The following VTI1A variants were observed in gnomAD, a reference collection of about 807,000 sequenced individuals.
VTI1A encodes the protein vesicle transport through interaction with t-SNAREs 1A.
Under a neutral mutation model 34.9 loss-of-function variants are expected in VTI1A, and 22 were observed. The ratio of observed to expected loss-of-function variants is 0.63; its 90% CI spans 0.45 to 0.90. The LOEUF (loss-of-function observed/expected upper bound fraction) is 0.90, where lower values mean the gene tolerates loss of function less well. Among genes scored for constraint, VTI1A ranks in the 40% least tolerant of loss-of-function variants. The pLI, the probability that VTI1A is intolerant of heterozygous loss-of-function variation, is 0.00. For synonymous variants in VTI1A, 87 were observed against 97.3 expected (o/e 0.89, Z 0.62); for missense variants, 268 against 275.6 (o/e 0.97, Z 0.20).
chr10:112,517,043 A>T (rs914204088), intron 3 of VTI1A, among the ~76,000 whole-genome samples: 1 of 152,058 alleles, frequency 6.6e-6, no homozygotes, highest in Admixed American at 6.6e-5. Context: ...TATGAATGAG[A>T]TCACTCAGAT....
intron 7 of VTI1A, among the ~76,000 whole-genome samples, chr10:112,810,943 C>T (rs1853262101): frequency 8.0e-6 from 1 of 124,480 alleles, no homozygotes; most frequent in South Asian, 3.0e-4. Flanking sequence ...AGGCAAAAAC[C>T]TGTTCTTCAA....
chr10:112,540,871 T>G (rs1349444453), intron 5 of VTI1A, among the ~76,000 whole-genome samples: 1 of 152,108 alleles, frequency 6.6e-6, no homozygotes, highest in Non-Finnish European at 1.5e-5. Context: ...GGAAGAGAGG[T>G]GGAAGAACTA....
chr10:112,553,445 G>T (rs1218231768), intron 5 of VTI1A, among the ~76,000 whole-genome samples: 1 of 152,240 alleles, frequency 6.6e-6, no homozygotes. Flanking sequence ...ATCCATAAAT[G>T]TTAGTTTCCA....
rs944333628 is a variant in VTI1A at position 112,767,097 on chromosome 10, C to T, written c.561-48193C>T. Among the ~76,000 whole-genome samples, 8 of 152,200 alleles carry T rather than the reference C, an allele frequency of 5.3e-5. No individual in the cohort carries two copies. Among genetic ancestry groups the T allele is most frequent in the African/African-American group, 1.9e-4 (8 of 41,450 alleles). ...AAAAGGGAAATGATTTCATCAGCTT[C>T]CCAATCTGTGGCTTAAAGTTGACTT... On this transcript the variant is annotated intron_variant, in intron 7 of 7. Transcript: ENST00000393077. This position sits in a 1 kb window ranked among gnomAD's most constrained non-coding sequence, Gnocchi z 4.0.
intron 3 of VTI1A, among the ~76,000 whole-genome samples, chr10:112,491,154 A>G (rs949025444): frequency 2.0e-5 from 3 of 152,194 alleles, no homozygotes; most frequent in African/African-American, 7.2e-5. Flanking sequence ...GGAGACTTAC[A>G]TCAAAATCCT....
intron 5 of VTI1A, among the ~76,000 whole-genome samples, chr10:112,577,351 C>T (rs1426729117): frequency 2.6e-5 from 4 of 152,030 alleles, no homozygotes; most frequent in Non-Finnish European, 5.9e-5. Context: ...ATTACATATC[C>T]TTATCCGCAT....
Position 112,701,261 on chromosome 10 carries a change from A to G in VTI1A, c.560+32263A>G, listed in dbSNP as rs997596316. Among the ~76,000 whole-genome samples the G allele has an allele frequency of 2.0e-5, 3 of 152,340 alleles. No homozygotes were observed. In the East Asian group the frequency reaches 5.8e-4, roughly 29 times the overall value. On this transcript the variant is annotated intron_variant, in intron 7 of 7. Coordinates refer to ENST00000393077, the MANE Select transcript of VTI1A (RefSeq NM_145206.4). ...TTGGACCCAGATGCAGAAACCAACA[A>G]CTAGACCATTTAAACACAGAACAAG...
chr10:112,484,928 GTTTTC>G (rs1347698154), intron 3 of VTI1A: 1 of 151,782 alleles, frequency 6.6e-6, no homozygotes, highest in African/African-American at 2.4e-5. Context: ...TACAGTAAGT[GTTTTC>G]TTTGTTCTGA....
chr10:112,562,890 A>G (rs1851775275), intron 5 of VTI1A, among the ~76,000 whole-genome samples: 1 of 152,148 alleles, frequency 6.6e-6, no homozygotes, highest in Admixed American at 6.5e-5. Context: ...CACCGATCCT[A>G]TCGGAAAACA....
In VTI1A at chr10:112,648,560, A is replaced by G. The variant is rs961997984; in HGVS notation, c.428-19658A>G. ...TGAGAATATTATACATAGTTCAAAA[A>G]GAGGTTCATTTTTCCTATGGTACTA... is the stretch of plus-strand genomic sequence containing the variant. On this transcript the variant is annotated intron_variant, in intron 5 of 7. Transcript: ENST00000393077. Among the ~76,000 whole-genome samples, 8 of 152,360 alleles carry G rather than the reference A, an allele frequency of 5.3e-5. No individual in the cohort carries two copies. In the East Asian group the frequency reaches 1.3e-3, roughly 26 times the overall value.
At chr10:112,677,185 C>CT (rs1848063597) in intron 7 of VTI1A, among the ~76,000 whole-genome samples, 1 of 152,032 alleles carries the variant, frequency 6.6e-6, no homozygotes, top group South Asian at 2.1e-4. Context: ...AATCCGAGAG[C>CT]TTTTTTCCGA....
At chr10:112,800,016 A>G (rs757443623) in intron 7 of VTI1A, among the ~76,000 whole-genome samples, 1 of 152,120 alleles carries the variant, frequency 6.6e-6, no homozygotes, top group Non-Finnish European at 1.5e-5. Context: ...CATCCCTCAA[A>G]AGTTGGCAGA....
chr10:112,758,871 G>A lies in VTI1A; in HGVS notation c.561-56419G>A, dbSNP rs184287499. On this transcript the variant is annotated intron_variant, in intron 7 of 7. Coordinates refer to ENST00000393077, the MANE Select transcript of VTI1A (RefSeq NM_145206.4). Reference sequence around the variant, plus strand: ...TTTTTAAGGCATGAGCAGCAGGTAGGCATCTTCCTTTCGAAACCAGCCGGG... The same window carrying A: ...TTTTTAAGGCATGAGCAGCAGGTAGACATCTTCCTTTCGAAACCAGCCGGG... Among the ~76,000 whole-genome samples, 71 of 152,300 alleles carry A rather than the reference G, an allele frequency of 4.7e-4. 1 individual carries two copies. The East Asian group carries it at 0.013, about 28-fold the overall frequency.
chr10:112,683,683 AG>A (rs1172142694), intron 7 of VTI1A, among the ~76,000 whole-genome samples: 2 of 152,260 alleles, frequency 1.3e-5, no homozygotes, highest in Admixed American at 6.5e-5. Flanking sequence ...GTTTCCACAT[AG>A]CCTTTGTGAT....
chr10:112,549,422 G>C (rs150254511), intron 5 of VTI1A, among the ~76,000 whole-genome samples: 22 of 152,296 alleles, frequency 1.4e-4, no homozygotes, highest in Middle Eastern at 3.4e-3. Context: ...CAGATTATTA[G>C]CTGAAGTAAT....
chr10:112,583,540 A>C (rs1412136028), intron 5 of VTI1A, among the ~76,000 whole-genome samples: 4 of 152,232 alleles, frequency 2.6e-5, no homozygotes, highest in African/African-American at 9.6e-5. Flanking sequence ...AAAATAAAAA[A>C]ATACATTATT....
At chr10:112,811,279 G>T (rs1275677064) in intron 7 of VTI1A, among the ~76,000 whole-genome samples, 2 of 152,104 alleles carry the variant, frequency 1.3e-5, no homozygotes, top group African/African-American at 2.4e-5. Flanking sequence ...AATCAAAACC[G>T]CAGGAAGAGC....
chr10:112,502,608 T>A (rs1452875780), intron 3 of VTI1A, among the ~76,000 whole-genome samples: 1 of 152,222 alleles, frequency 6.6e-6, no homozygotes, highest in Non-Finnish European at 1.5e-5. Context: ...GCATTCTGAA[T>A]TATTTTGCTA....
chr10:112,515,872 C>T (rs1198873199), intron 3 of VTI1A, among the ~76,000 whole-genome samples: 1 of 151,996 alleles, frequency 6.6e-6, no homozygotes, highest in Admixed American at 6.6e-5. Flanking sequence ...ATTTTTCTTC[C>T]TATAGCACCC....
Sources: gnomAD v4.1 joint callset for allele counts (sites outside exome capture counted in the v4.1 genomes callset) on GRCh38, gnomAD v4.1.1 for gene constraint, Gnocchi (gnomAD v3.1) non-coding constraint, MANE v1.5 for transcripts, NCBI Gene and HGNC (gene_info 2026-07-23, HGNC 2026-07-21) for gene names.